Variants in GRHL2 observed in about 807,000 individuals in gnomAD.
GRHL2 encodes the protein grainyhead like transcription factor 2.
GRHL2 carries 21 observed loss-of-function variants against 83.8 expected under a neutral mutation model. That is an observed-to-expected ratio of 0.25 (90% CI 0.18 to 0.36). GRHL2 has a LOEUF of 0.36. Ranked by LOEUF, GRHL2 falls within the 10% of genes least tolerant of loss-of-function variation. The pLI is 1.00. For missense variants in GRHL2, 623 were observed against 781.8 expected, an observed-to-expected ratio of 0.80 and a Z score of 2.42; for synonymous variants, 280 against 278.9, an observed-to-expected ratio of 1.00 and a Z score of -0.04.
chr8:101,609,879 A>T (rs1573280), intron 8 of GRHL2, among the ~76,000 whole-genome samples: 70,873 of 150,632 alleles, frequency 0.47, 18,496 homozygotes, highest in African/African-American at 0.62. Flanking sequence ...TTTGCACCAT[A>T]TTCAGGTGTT....
chr8:101,681,086 C>A, the GRHL2 span, among the ~76,000 whole-genome samples: 5 of 144,866 alleles, frequency 3.5e-5, no homozygotes, highest in Non-Finnish European at 6.0e-5. Flanking sequence ...CAGAGCAGAA[C>A]TGAAGGAAAT....
At chr8:101,662,860 C>CACATATATATATATATATATATATATAT (rs1554598147) in intron 14 of GRHL2, among the ~76,000 whole-genome samples, 2 of 146,134 alleles carry the variant, frequency 1.4e-5, no homozygotes, top group African/African-American at 5.1e-5. Flanking sequence ...TATGTACTTA[C>CACATATATATATATATATATATATATAT]ATATATATAC....
intron 1 of GRHL2, among the ~76,000 whole-genome samples, chr8:101,504,126 G>T (rs902512323): frequency 6.6e-6 from 1 of 152,144 alleles, no homozygotes; most frequent in Non-Finnish European, 1.5e-5. Flanking sequence ...CTTGCTGCTT[G>T]CTTGTTGCAG....
intron 9 of GRHL2, 71 bp from the exon 10 acceptor site, chr8:101,631,566 A>G: frequency 4.3e-6 from 5 of 1,151,752 alleles, no homozygotes; most frequent in Non-Finnish European, 6.4e-6. Flanking sequence ...CTCATGACTT[A>G]TGTGTGACAT....
intron 1 of GRHL2, among the ~76,000 whole-genome samples, chr8:101,532,995 T>G (rs1028136052): frequency 1.3e-5 from 2 of 152,310 alleles, no homozygotes; most frequent in South Asian, 2.1e-4. Flanking sequence ...TTGGGAATGA[T>G]GGACAACAGG....
intron 7 of GRHL2, among the ~76,000 whole-genome samples, chr8:101,593,000 G>A (rs941867696): frequency 2.0e-5 from 3 of 152,214 alleles, no homozygotes; most frequent in Admixed American, 2.0e-4. Context: ...AAGCTGGAGT[G>A]CAATGGTGTG....
At chr8:101,659,485 G>A (rs531788941) in intron 14 of GRHL2, among the ~76,000 whole-genome samples, 9 of 152,292 alleles carry the variant, frequency 5.9e-5, no homozygotes, top group African/African-American at 1.7e-4. Flanking sequence ...ATTTTTTCCA[G>A]TCACCAGCTC....
At chr8:101,522,872 T>C (rs956701381) in intron 1 of GRHL2, among the ~76,000 whole-genome samples, 10 of 151,822 alleles carry the variant, frequency 6.6e-5, no homozygotes, top group African/African-American at 2.2e-4. Flanking sequence ...CTTCTGTTCA[T>C]ATACTGATTG....
At chr8:101,617,627 C>A (rs1812882056) in intron 8 of GRHL2, among the ~76,000 whole-genome samples, 1 of 152,180 alleles carries the variant, frequency 6.6e-6, no homozygotes, top group South Asian at 2.1e-4. Flanking sequence ...ATCTCAGCCT[C>A]CCAAGTAGCT....
Position 101,537,697 on chromosome 8 carries a change from G to C in GRHL2, c.21-5544G>C, listed in dbSNP as rs1343715266. On this transcript the variant is annotated intron_variant, in intron 1 of 15. Coordinates refer to ENST00000646743, the MANE Select transcript of GRHL2 (RefSeq NM_024915.4). The stretch of plus-strand genomic sequence containing the variant: ...CAAAGAGACACCTGCTCATCAAGGA[G>C]ATGAGCAACTCATCTAAATTCACTC... Among the ~76,000 whole-genome samples the C allele has an allele frequency of 2.6e-5, 4 of 152,146 alleles. No individual in the cohort carries two copies. In the East Asian group the frequency reaches 7.7e-4, roughly 29 times the overall value.
At chr8:101,678,498 G>C in the GRHL2 span, among the ~76,000 whole-genome samples, 1 of 151,114 alleles carries the variant, frequency 6.6e-6, no homozygotes, top group Non-Finnish European at 1.5e-5. Context: ...TGGCAGCGAG[G>C]CTGGGGAGGG....
intron 9 of GRHL2, among the ~76,000 whole-genome samples, chr8:101,628,688 A>G (rs1293816126): frequency 2.0e-5 from 3 of 152,144 alleles, no homozygotes; most frequent in Non-Finnish European, 4.4e-5. Context: ...TTTAGATGCC[A>G]TTAAAAACAT....
chr8:101,660,859 T>C (rs1813905581), intron 14 of GRHL2, among the ~76,000 whole-genome samples: 1 of 152,202 alleles, frequency 6.6e-6, no homozygotes, highest in Non-Finnish European at 1.5e-5. Context: ...TCACTAAAAT[T>C]AGCCAGTTGA....
At chr8:101,501,211 C>T (rs1376022519) in intron 1 of GRHL2, among the ~76,000 whole-genome samples, 1 of 152,130 alleles carries the variant, frequency 6.6e-6, no homozygotes, top group Non-Finnish European at 1.5e-5. Flanking sequence ...AGATGAAGTA[C>T]CTTATTTTAC....
At chr8:101,560,808 AGT>A (rs1325532862) in intron 4 of GRHL2, among the ~76,000 whole-genome samples, 2 of 152,134 alleles carry the variant, frequency 1.3e-5, no homozygotes, top group East Asian at 3.8e-4. Context: ...TCTTTTGTGA[AGT>A]GTCTATTCAA....
intron 4 of GRHL2, among the ~76,000 whole-genome samples, chr8:101,559,237 C>T (rs1811552987): frequency 6.6e-6 from 1 of 151,502 alleles, no homozygotes; most frequent in Non-Finnish European, 1.5e-5. Flanking sequence ...TTTGGCTGGA[C>T]GCGGTGGCTC....
chr8:101,505,108 T>C (rs1810311318), intron 1 of GRHL2, among the ~76,000 whole-genome samples: 2 of 152,066 alleles, frequency 1.3e-5, no homozygotes, highest in South Asian at 2.1e-4. Flanking sequence ...AAACAGGAAC[T>C]AGTAGGTATA....
rs147519589 is a variant in GRHL2 at position 101,663,614 on chromosome 8, A to AAAAT, written c.1699-812_1699-809dup. ...GAACCAGAGCAAGATTCCATCTCAA[A>AAAAT]AAATAAATAAATAAATAAATAAATA... On this transcript the variant is annotated intron_variant, in intron 14 of 15. Transcript: ENST00000646743. 8.8e-3 allele frequency among the ~76,000 whole-genome samples: 1,185 copies of AAAAT among 133,938 alleles called. 16 individuals carry two copies. Among genetic ancestry groups the AAAAT allele is most frequent in the East Asian group, 0.068 (315 of 4,636 alleles). 87.9% of individuals were successfully genotyped at this position (133,938 alleles called of 152,430 possible). A position where few individuals can be genotyped will look rare whatever the true frequency, so the allele number is the denominator to read the frequency against.
At chr8:101,532,617 G>T (rs971136210) in intron 1 of GRHL2, among the ~76,000 whole-genome samples, 1 of 152,072 alleles carries the variant, frequency 6.6e-6, no homozygotes, top group Non-Finnish European at 1.5e-5. Flanking sequence ...GGGCGTGGTG[G>T]CATGCACCTG....
Sources: allele counts gnomAD v4.1 joint callset (sites outside exome capture counted in the v4.1 genomes callset), GRCh38; gene constraint gnomAD v4.1.1; transcripts MANE v1.5; gene names NCBI Gene and HGNC (gene_info 2026-07-23, HGNC 2026-07-21).